Variants in SLC22A5 observed in about 807,000 individuals in gnomAD.
SLC22A5 encodes the protein solute carrier family 22 member 5.
In SLC22A5, 44 loss-of-function variants were observed where a neutral mutation model predicts 56.7. The ratio of observed to expected loss-of-function variants is 0.78; its 90% CI spans 0.61 to 1.00. SLC22A5 has a LOEUF of 1.00. Among genes scored for constraint, SLC22A5 ranks in the 50% least tolerant of loss-of-function variants. The pLI is 0.00. For missense variants in SLC22A5, 675 were observed against 723.0 expected, an observed-to-expected ratio of 0.93 and a Z score of 0.76; for synonymous variants, 278 against 292.1, an observed-to-expected ratio of 0.95 and a Z score of 0.49.
At chr5:132,373,011 T>C (rs985013419) in intron 1 of SLC22A5, among the ~76,000 whole-genome samples, 1 of 152,236 alleles carries the variant, frequency 6.6e-6, no homozygotes, top group African/African-American at 2.4e-5. Context: ...TTTGTTCAAG[T>C]TAAAGTACAT....
chr5:132,389,364 C>T (rs1051613361), intron 6 of SLC22A5: 51 of 357,840 alleles, frequency 1.4e-4, no homozygotes, highest in Non-Finnish European at 1.1e-4. Flanking sequence ...CCAGGTAGGG[C>T]TTTTAAGAAG....
chr5:132,394,553 A>T lies in SLC22A5; in HGVS notation c.*281A>T, dbSNP rs190955191. 4.0e-6 allele frequency: 2 copies of T among 498,950 alleles called. No homozygotes were observed. Among genetic ancestry groups the T allele is most frequent in the African/African-American group, 1.9e-5 (1 of 51,968 alleles). 30.9% of individuals were successfully genotyped at this position (498,950 alleles called of 1,614,324 possible). ...GCACCTCCAAAGCAGTTAATTTTTC[A>T]CTAGAACCAGTGAGATCTGGAGGAA... On this transcript the variant is annotated 3_prime_UTR_variant, in exon 10 of 10. Transcript: ENST00000245407.
At chr5:132,391,657 T>C (rs1452196808) in intron 7 of SLC22A5, among the ~76,000 whole-genome samples, 1 of 152,030 alleles carries the variant, frequency 6.6e-6, no homozygotes, top group Non-Finnish European at 1.5e-5. Flanking sequence ...TCACAGAGCC[T>C]TAGCAGGATT....
At position 132,370,335 on chromosome 5, in the gene SLC22A5, G is replaced by T. The variant is rs758991830; in HGVS notation, c.363G>T (p.Gln121His). ...GTCTGGATGGCTGGGAGTTCAGTCA[G>T]GACGTCTACCTGTCCACCATTGTGA... Reference protein sequence around the residue: ...ESCLDGWEFSQDVYLSTIVTE... With the variant: ...ESCLDGWEFSHDVYLSTIVTE... The change falls in exon 1 of 10, where the codon CAG becomes CAT. Residue 121 changes from glutamine to histidine, a missense_variant. Physicochemically the swap from Gln to His is conservative, Grantham distance 24. Transcript: ENST00000245407. 3.3e-5 allele frequency: 53 copies of T among 1,612,136 alleles called. No individual in the cohort carries two copies. The highest frequency in any genetic ancestry group is 4.2e-5 in the Non-Finnish European group (50 of 1,179,712).
chr5:132,394,343 T>G lies in SLC22A5; in HGVS notation c.*71T>G. The G allele has an allele frequency of 9.1e-7, 1 of 1,102,148 alleles. No individual in the cohort carries two copies. The highest frequency in any genetic ancestry group is 1.4e-6 in the Non-Finnish European group (1 of 728,524). 68.3% of individuals were successfully genotyped at this position (1,102,148 alleles called of 1,614,324 possible). On this transcript the variant is annotated 3_prime_UTR_variant, in exon 10 of 10. Transcript: ENST00000245407. Reference sequence around the variant, plus strand: ...CCAGAAATGGCCAGCTTGTGCAGACTCCGAGTCCTTCAGTGACAAAAGGCC... The same window carrying G: ...CCAGAAATGGCCAGCTTGTGCAGACGCCGAGTCCTTCAGTGACAAAAGGCC...
At chr5:132,389,142 G>T (rs773958312) in intron 6 of SLC22A5, 121 bp downstream of exon 6, 9 of 717,394 alleles carry the variant, frequency 1.3e-5, no homozygotes, top group Non-Finnish European at 2.0e-5. Context: ...AGAGTGAAAA[G>T]GATATGTCTT....
chr5:132,387,690 A>C (rs1368850688), intron 5 of SLC22A5: 3 of 188,438 alleles, frequency 1.6e-5, no homozygotes, highest in African/African-American at 2.4e-5. Context: ...TCTTGGAGTC[A>C]GGTCCTTTTT....
At chr5:132,378,271 G>A (rs1295977241) in intron 1 of SLC22A5, 107 bp from the exon 2 acceptor site, 7 of 1,613,588 alleles carry the variant, frequency 4.3e-6, no homozygotes, top group Non-Finnish European at 5.1e-6. Context: ...TTCACACTCA[G>A]AGCGTGTGGG....
chr5:132,390,358 A>C, intron 6 of SLC22A5: 1 of 385,992 alleles, frequency 2.6e-6, no homozygotes, highest in East Asian at 6.3e-5. Flanking sequence ...GAGGAGGTTC[A>C]GCTTAGGATT....
chr5:132,372,675 G>C (rs1329363405), intron 1 of SLC22A5, among the ~76,000 whole-genome samples: 2 of 152,178 alleles, frequency 1.3e-5, no homozygotes, highest in Non-Finnish European at 2.9e-5. Flanking sequence ...TCTTTGCAGG[G>C]AGGCCAGATT....
At chr5:132,383,825 C>T in intron 2 of SLC22A5, 1 of 328,300 alleles carries the variant, frequency 3.0e-6, no homozygotes, top group Non-Finnish European at 5.7e-6. Flanking sequence ...CCAAATTTGG[C>T]AGATTCTTTT....
At chr5:132,387,872 A>ACTATG (rs1752586645) in intron 5 of SLC22A5, 1 of 155,834 alleles carries the variant, frequency 6.4e-6, no homozygotes, top group African/African-American at 2.4e-5. Context: ...GAGAGGTTAG[A>ACTATG]AGCTGTAAAT....
At chr5:132,378,037 G>T (rs1201598400) in intron 1 of SLC22A5, 1 of 1,465,686 alleles carries the variant, frequency 6.8e-7, no homozygotes, top group Non-Finnish European at 9.1e-7. Flanking sequence ...AGGGTGCCCT[G>T]CCTCTTCCAC....
At chr5:132,382,462 A>G (rs1225163127) in intron 2 of SLC22A5, 2 of 145,808 alleles carry the variant, frequency 1.4e-5, no homozygotes, top group African/African-American at 5.1e-5. Flanking sequence ...TAAAACGTCT[A>G]CCAGAAATTG....
rs274559 is a variant in SLC22A5, at chr5:132,384,378, A to G, written c.652+77A>G. On this transcript the variant is annotated intron_variant, in intron 3 of 9. Transcript: ENST00000245407. The stretch of plus-strand genomic sequence containing the variant: ...CCCATCACCTACCTTTCTGGAGACA[A>G]CTGTGATGTCCCTCAAGGGGGACAG... The G allele has an allele frequency of 0.41, 575,843 of 1,410,966 alleles. 122,934 individuals carry two copies. Among genetic ancestry groups the G allele is most frequent in the East Asian group, 0.67 (29,328 of 43,876 alleles). 87.4% of individuals were successfully genotyped at this position (1,410,966 alleles called of 1,614,324 possible).
At chr5:132,380,180 A>C (rs1307413806) in intron 2 of SLC22A5, 4 of 152,530 alleles carry the variant, frequency 2.6e-5, no homozygotes, top group Non-Finnish European at 5.9e-5. Context: ...AGGGGTAGAG[A>C]GGAGAAAGAA....
intron 6 of SLC22A5, 107 bp downstream of exon 6, chr5:132,389,128 T>A: frequency 1.3e-6 from 1 of 745,056 alleles, no homozygotes; most frequent in African/African-American, 1.7e-5. Context: ...GCCTATGTCA[T>A]CAGAGAGTGA....
At chr5:132,393,956 G>A (rs1580896172) in intron 9 of SLC22A5, 145 bp downstream of exon 9, 1 of 1,016,822 alleles carries the variant, frequency 9.8e-7, no homozygotes, top group Non-Finnish European at 1.5e-6. Flanking sequence ...TAAATGGCAA[G>A]GTGCTTACTT....
Position 132,388,944 on chromosome 5 carries a change from G to A in SLC22A5, c.975G>A (p.Lys325=). ...PSELQDLSSK[K]QQSHNILDLL... is the part of the protein sequence containing the mutation. Reference sequence around the variant, plus strand: ...AGTTACAAGACCTAAGTTCCAAGAAGCAGCAGTCCCACAACATTCTGGATC... The same window carrying A: ...AGTTACAAGACCTAAGTTCCAAGAAACAGCAGTCCCACAACATTCTGGATC... The change falls in exon 6 of 10, where the codon AAG becomes AAA. Residue 325 remains lysine (K), a synonymous_variant. Transcript: ENST00000245407. The A allele has an allele frequency of 6.2e-7, 1 of 1,613,574 alleles. No homozygotes were observed. The highest frequency in any genetic ancestry group is 8.5e-7 in the Non-Finnish European group (1 of 1,179,506).
Sources: gnomAD v4.1 joint callset for allele counts (sites outside exome capture counted in the v4.1 genomes callset) on GRCh38, gnomAD v4.1.1 for gene constraint, MANE v1.5 for transcripts, NCBI Gene and HGNC (gene_info 2026-07-23, HGNC 2026-07-21) for gene names.